The following RSF1 variants were observed in gnomAD, a reference collection of about 807,000 sequenced individuals.
The protein encoded by RSF1 is HBV pX-associated protein 8.
A neutral mutation model predicts 145.2 loss-of-function variants in RSF1; 13 were observed. The observed-to-expected ratio is 0.09, with a 90% confidence interval of 0.06 to 0.14. RSF1 has a LOEUF of 0.14. RSF1 is among the 10% of genes least tolerant of loss of function. RSF1 has a pLI of 1.00. For synonymous variants in RSF1, 577 were observed against 592.6 expected (o/e 0.97, Z 0.38); for missense variants, 1,517 against 1,718.2 (o/e 0.88, Z 2.07).
At chr11:77,697,641 T>C (rs1028075640) in intron 7 of RSF1, among the ~76,000 whole-genome samples, 1 of 149,936 alleles carries the variant, frequency 6.7e-6, no homozygotes, top group Admixed American at 6.7e-5. Flanking sequence ...AGTGGTACTA[T>C]TCTTTTTGGA....
the RSF1 span, among the ~76,000 whole-genome samples, chr11:77,837,407 A>T: frequency 6.7e-6 from 1 of 150,018 alleles, no homozygotes; most frequent in African/African-American, 2.5e-5. Context: ...AAATGCTGGC[A>T]TCACAGATGT....
chr11:77,704,655 A>T (rs1960500554), intron 5 of RSF1, among the ~76,000 whole-genome samples: 1 of 152,154 alleles, frequency 6.6e-6, no homozygotes, highest in South Asian at 2.1e-4. Flanking sequence ...TAAATAAAGC[A>T]GCTGGACTAA....
the RSF1 span, among the ~76,000 whole-genome samples, chr11:77,842,116 G>A: frequency 2.6e-5 from 4 of 152,150 alleles, no homozygotes; most frequent in African/African-American, 7.2e-5. Flanking sequence ...TTTCTAGAGT[G>A]ACAAATTTTT....
At chr11:77,809,010 A>G (rs1216000325) in intron 1 of RSF1, among the ~76,000 whole-genome samples, 1 of 152,200 alleles carries the variant, frequency 6.6e-6, no homozygotes, top group African/African-American at 2.4e-5. Flanking sequence ...CAATCATTTT[A>G]AGAGCATACC....
chr11:77,766,643 T>C (rs111858744), intron 1 of RSF1, among the ~76,000 whole-genome samples: 11 of 152,026 alleles, frequency 7.2e-5, no homozygotes, highest in African/African-American at 2.4e-4. Context: ...CAGATGCAAA[T>C]AGCTAAAAAA....
chr11:77,833,592 C>G, the RSF1 span, among the ~76,000 whole-genome samples: 1 of 152,182 alleles, frequency 6.6e-6, no homozygotes, highest in Non-Finnish European at 1.5e-5. Flanking sequence ...CCTAACAGAT[C>G]ACGGACTGGT....
At position 77,663,359 on chromosome 11, in the gene RSF1, T is replaced by C. The variant is rs1452369656; in HGVS notation, c.*3558A>G. 1 of 152,162 alleles carries C rather than the reference T, an allele frequency of 6.6e-6. No homozygotes were observed. The highest frequency in any genetic ancestry group is 1.5e-5 in the Non-Finnish European group (1 of 68,020). 9.4% of individuals were successfully genotyped at this position (152,162 alleles called of 1,614,324 possible). A position where few individuals can be genotyped will look rare whatever the true frequency, so the allele number is the denominator to read the frequency against. On this transcript the variant is annotated 3_prime_UTR_variant, in exon 16 of 16. Coordinates refer to ENST00000308488, the MANE Select transcript of RSF1 (RefSeq NM_016578.4). ...GTAAATGTCCATGTTTTTCTTAATATGTGTACTTTGCTCAAATGTATATTA... is the reference window on the plus strand; with the variant it reads ...GTAAATGTCCATGTTTTTCTTAATACGTGTACTTTGCTCAAATGTATATTA...
At chr11:77,679,621 C>T (rs548969251) in intron 11 of RSF1, among the ~76,000 whole-genome samples, 19 of 149,306 alleles carry the variant, frequency 1.3e-4, no homozygotes, top group African/African-American at 4.5e-4. Flanking sequence ...TGAAGTAAGC[C>T]GAGAATGCAC....
chr11:77,772,691 A>G (rs1263459989), intron 1 of RSF1, among the ~76,000 whole-genome samples: 1 of 152,098 alleles, frequency 6.6e-6, no homozygotes, highest in Non-Finnish European at 1.5e-5. Flanking sequence ...TTCAATGTCT[A>G]TGTCTAGGTA....
chr11:77,863,951 A>T, the RSF1 span, among the ~76,000 whole-genome samples: 1 of 151,496 alleles, frequency 6.6e-6, no homozygotes, highest in Non-Finnish European at 1.5e-5. Flanking sequence ...TTTGAGACAG[A>T]GTTTCACTCT....
intron 2 of RSF1, among the ~76,000 whole-genome samples, chr11:77,758,983 T>C (rs953331399): frequency 2.6e-5 from 4 of 152,264 alleles, no homozygotes; most frequent in Non-Finnish European, 4.4e-5. Context: ...TTTATGTTGT[T>C]GCTCAGTCTT....
At chr11:77,681,601 G>A (rs1959864196) in intron 11 of RSF1, among the ~76,000 whole-genome samples, 1 of 152,168 alleles carries the variant, frequency 6.6e-6, no homozygotes, top group Admixed American at 6.5e-5. Flanking sequence ...AATTTCATTT[G>A]TGAGAAACAC....
intron 1 of RSF1, among the ~76,000 whole-genome samples, chr11:77,783,425 A>G (rs1341931516): frequency 6.6e-6 from 1 of 152,204 alleles, no homozygotes; most frequent in Non-Finnish European, 1.5e-5. Context: ...GCAAGTGGCT[A>G]GCTCATAACA....
rs2135798963 is a variant in RSF1, at chr11:77,662,289, T to A, written c.*4628A>T. The A allele has an allele frequency of 6.6e-6, 1 of 151,572 alleles. No homozygotes were observed. The highest frequency in any genetic ancestry group is 2.4e-5 in the African/African-American group (1 of 41,260). The allele number at this position is 151,572 out of a possible 1,614,324, so 9.4% of individuals were successfully genotyped here. A position where few individuals can be genotyped will look rare whatever the true frequency, so the allele number is the denominator to read the frequency against. ...ATTGGGTTTACTGAATTTTCCAAAG[T>A]GGTATAAATATGAAAGGAAAAAAAA... On this transcript the variant is annotated 3_prime_UTR_variant, in exon 16 of 16. Transcript: ENST00000308488.
chr11:77,687,425 C>G (rs1409712553), intron 9 of RSF1, among the ~76,000 whole-genome samples: 1 of 152,086 alleles, frequency 6.6e-6, no homozygotes, highest in African/African-American at 2.4e-5. Context: ...GTAGCTCATG[C>G]CTGTAAACCC....
the RSF1 span, among the ~76,000 whole-genome samples, chr11:77,857,777 G>A: frequency 6.7e-6 from 1 of 148,716 alleles, no homozygotes; most frequent in Non-Finnish European, 1.5e-5. Context: ...GCTCACTGCA[G>A]CCTCCACCTC....
At chr11:77,736,136 A>T (rs985547335) in intron 4 of RSF1, among the ~76,000 whole-genome samples, 8 of 152,204 alleles carry the variant, frequency 5.3e-5, no homozygotes, top group Admixed American at 2.6e-4. Context: ...AAAATGTGTG[A>T]CAACATCTAT....
At chr11:77,804,564 C>T (rs951040852) in intron 1 of RSF1, among the ~76,000 whole-genome samples, 3 of 152,128 alleles carry the variant, frequency 2.0e-5, no homozygotes, top group Non-Finnish European at 2.9e-5. Flanking sequence ...GAGCCAGCCA[C>T]GGTGGCTCAC....
chr11:77,671,177 A>G (rs1429009403), intron 15 of RSF1, among the ~76,000 whole-genome samples: 1 of 94,514 alleles, frequency 1.1e-5, no homozygotes. Flanking sequence ...ATATATATAT[A>G]TTTATATGTA....
Sources: gnomAD v4.1 joint callset for allele counts (sites outside exome capture counted in the v4.1 genomes callset) on GRCh38, gnomAD v4.1.1 for gene constraint, MANE v1.5 for transcripts, NCBI Gene and HGNC (gene_info 2026-07-23, HGNC 2026-07-21) for gene names.